DLG2: variants seen among roughly 807,000 people sequenced by gnomAD.
DLG2 encodes the protein disks large homolog 2.
In DLG2, 45 loss-of-function variants were observed where a neutral mutation model predicts 132.5. The ratio of observed to expected loss-of-function variants is 0.34; its 90% CI spans 0.27 to 0.44. The LOEUF is 0.44. Among genes scored for constraint, DLG2 ranks in the 20% least tolerant of loss-of-function variants. The pLI is 1.00. For missense variants in DLG2, 1,045 were observed against 1,196.9 expected (o/e 0.87, Z 1.87); for synonymous variants, 424 against 419.6 (o/e 1.01, Z -0.13).
intron 9 of DLG2, among the ~76,000 whole-genome samples, chr11:84,147,029 C>T (rs2095111122): frequency 6.6e-6 from 1 of 151,862 alleles, no homozygotes; most frequent in Admixed American, 6.6e-5. Context: ...GGAATGCTGC[C>T]CCCTCTCTGC....
At chr11:83,706,718 G>T (rs10898150) in intron 18 of DLG2, among the ~76,000 whole-genome samples, 40,264 of 152,084 alleles carry the variant, frequency 0.26, 6,361 homozygotes, top group African/African-American at 0.44. Flanking sequence ...TGCCACATGC[G>T]ATGCCAACTC....
chr11:85,244,712 A>G (rs913534564), intron 4 of DLG2, among the ~76,000 whole-genome samples: 1 of 152,048 alleles, frequency 6.6e-6, no homozygotes, highest in Admixed American at 6.6e-5. Context: ...ATATATGTCA[A>G]TGATCAGAGA....
chr11:84,934,693 A>G (rs966868494), intron 6 of DLG2, among the ~76,000 whole-genome samples: 1 of 151,736 alleles, frequency 6.6e-6, no homozygotes, highest in Non-Finnish European at 1.5e-5. Flanking sequence ...ACGCCCTTCC[A>G]AGATTGAACC....
At chr11:85,156,800 C>G (rs1055332468) in intron 4 of DLG2, among the ~76,000 whole-genome samples, 1 of 152,140 alleles carries the variant, frequency 6.6e-6, no homozygotes, top group Non-Finnish European at 1.5e-5. Flanking sequence ...CCTGGTTGTC[C>G]TAAGGTGATT....
At chr11:84,554,152 T>C (rs1267759118) in intron 6 of DLG2, among the ~76,000 whole-genome samples, 1 of 152,242 alleles carries the variant, frequency 6.6e-6, no homozygotes, top group Non-Finnish European at 1.5e-5. Flanking sequence ...TAGTTCTGTG[T>C]GTTTTATTTT....
At chr11:85,179,107 A>T (rs960496629) in intron 4 of DLG2, among the ~76,000 whole-genome samples, 1 of 151,852 alleles carries the variant, frequency 6.6e-6, no homozygotes, top group African/African-American at 2.4e-5. Flanking sequence ...AAATCTTAGG[A>T]TCTACAATAG....
chr11:84,450,515 A>G (rs1221672077), intron 7 of DLG2, among the ~76,000 whole-genome samples: 1 of 151,750 alleles, frequency 6.6e-6, no homozygotes, highest in African/African-American at 2.4e-5. Context: ...TGTACCCATA[A>G]TTAGACAATG....
intron 14 of DLG2, among the ~76,000 whole-genome samples, chr11:83,957,919 C>T (rs530138798): frequency 5.3e-5 from 8 of 152,306 alleles, no homozygotes; most frequent in African/African-American, 1.7e-4. Context: ...GCCTGGTTAT[C>T]CTACTTCATA....
chr11:85,265,474 C>T (rs2077160210), intron 4 of DLG2, among the ~76,000 whole-genome samples: 1 of 152,184 alleles, frequency 6.6e-6, no homozygotes, highest in Admixed American at 6.5e-5. Context: ...AAGGCCTATG[C>T]TCCTTCCATG....
intron 3 of DLG2, among the ~76,000 whole-genome samples, chr11:85,566,691 C>G (rs2077546264): frequency 6.6e-6 from 1 of 152,092 alleles, no homozygotes; most frequent in African/African-American, 2.4e-5. Flanking sequence ...CGTCCTAATA[C>G]CATCACTTTG....
intron 7 of DLG2, among the ~76,000 whole-genome samples, chr11:84,442,871 T>C (rs2099021769): frequency 6.6e-6 from 1 of 152,064 alleles, no homozygotes; most frequent in African/African-American, 2.4e-5. Flanking sequence ...CTAATGTATA[T>C]TAAAAAGCAA....
At chr11:85,063,529 G>A (rs973796124) in intron 6 of DLG2, among the ~76,000 whole-genome samples, 7 of 151,590 alleles carry the variant, frequency 4.6e-5, no homozygotes, top group East Asian at 1.9e-4. Flanking sequence ...AGTGAAAAAC[G>A]GTACACCTTA....
At chr11:85,566,111 G>A (rs1160101966) in intron 3 of DLG2, among the ~76,000 whole-genome samples, 2 of 152,128 alleles carry the variant, frequency 1.3e-5, no homozygotes, top group African/African-American at 4.8e-5. Context: ...AATGATGTTG[G>A]ACATCTTTCC....
intron 4 of DLG2, among the ~76,000 whole-genome samples, chr11:85,269,250 TG>T (rs755349888): frequency 6.6e-6 from 1 of 152,240 alleles, no homozygotes; most frequent in Non-Finnish European, 1.5e-5. Context: ...TGCTTCAGAC[TG>T]CCTCAGAAAG....
chr11:85,385,483 C>T (rs2086249201), intron 3 of DLG2, among the ~76,000 whole-genome samples: 1 of 152,056 alleles, frequency 6.6e-6, no homozygotes, highest in South Asian at 2.1e-4. Flanking sequence ...AGGAAAAACA[C>T]AAATGAATTA....
chr11:84,237,299 A>T (rs1023396837), intron 8 of DLG2, among the ~76,000 whole-genome samples: 1 of 152,186 alleles, frequency 6.6e-6, no homozygotes, highest in South Asian at 2.1e-4. Context: ...GCTTTGAGAC[A>T]TCAGCAAAAG....
At chr11:84,290,122 C>A (rs2097968444) in intron 7 of DLG2, among the ~76,000 whole-genome samples, 1 of 152,110 alleles carries the variant, frequency 6.6e-6, no homozygotes, top group South Asian at 2.1e-4. Context: ...CAACTCAGAT[C>A]ATGGTCTTCA....
intron 7 of DLG2, among the ~76,000 whole-genome samples, chr11:84,404,169 TG>T (rs2098840482): frequency 6.6e-6 from 1 of 152,118 alleles, no homozygotes; most frequent in South Asian, 2.1e-4. Flanking sequence ...GTATTCTACA[TG>T]ATATATCTTG....
chr11:85,040,733 T>A (rs571885440), intron 6 of DLG2, among the ~76,000 whole-genome samples: 1 of 152,018 alleles, frequency 6.6e-6, no homozygotes, highest in African/African-American at 2.4e-5. Context: ...CTGCCAGAAG[T>A]TGTATTTACC....
Sources: gnomAD v4.1 joint callset for allele counts (sites outside exome capture counted in the v4.1 genomes callset) on GRCh38, gnomAD v4.1.1 for gene constraint, MANE v1.5 for transcripts, NCBI Gene and HGNC (gene_info 2026-07-23, HGNC 2026-07-21) for gene names.